ADAMTSL1: variants seen among roughly 807,000 people sequenced by gnomAD.
ADAMTSL1 encodes the protein ADAMTS-like protein 1.
In ADAMTSL1, 126 loss-of-function variants were observed where a neutral mutation model predicts 201.8. The ratio of observed to expected loss-of-function variants is 0.62; its 90% confidence interval spans 0.54 to 0.72. ADAMTSL1 has a LOEUF of 0.72. ADAMTSL1 is among the 30% of genes least tolerant of loss of function. The pLI, the probability that ADAMTSL1 is intolerant of heterozygous loss-of-function variation, is 0.00. For missense variants in ADAMTSL1, 2,679 were observed against 2,277.8 expected, an observed-to-expected ratio of 1.18 and a Z score of -3.59; for synonymous variants, 1,121 against 903.4, an observed-to-expected ratio of 1.24 and a Z score of -4.32.
At chr9:18,810,905 C>T (rs1258966082) in intron 20 of ADAMTSL1, among the ~76,000 whole-genome samples, 1 of 147,032 alleles carries the variant, frequency 6.8e-6, no homozygotes, top group East Asian at 2.1e-4. Context: ...GCCAACTGAC[C>T]AAAGACCTTG....
chr9:17,976,725 C>T (rs1456817222), intron 1 of ADAMTSL1, among the ~76,000 whole-genome samples: 1 of 146,662 alleles, frequency 6.8e-6, no homozygotes, highest in East Asian at 2.1e-4. Context: ...TCCCTCCCCT[C>T]CCTCCCTGCC....
chr9:18,883,210 T>C (rs977276661), intron 23 of ADAMTSL1, among the ~76,000 whole-genome samples: 2 of 152,192 alleles, frequency 1.3e-5, no homozygotes, highest in African/African-American at 4.8e-5. Flanking sequence ...TCAATTGTTC[T>C]TACTGATCTT....
chr9:18,144,155 G>A (rs996977958), intron 1 of ADAMTSL1, among the ~76,000 whole-genome samples: 2 of 151,812 alleles, frequency 1.3e-5, no homozygotes, highest in African/African-American at 4.8e-5. Context: ...TAAGGCTATG[G>A]GATACACTTT....
chr9:18,533,527 C>T (rs937675425), intron 3 of ADAMTSL1, among the ~76,000 whole-genome samples: 1 of 152,146 alleles, frequency 6.6e-6, no homozygotes, highest in Admixed American at 6.5e-5. Flanking sequence ...AAGGACTCTA[C>T]ATTTCCTCCC....
intron 2 of ADAMTSL1, among the ~76,000 whole-genome samples, chr9:18,422,744 T>G (rs1819018050): frequency 6.6e-6 from 1 of 152,180 alleles, no homozygotes; most frequent in Non-Finnish European, 1.5e-5. Context: ...TTTTCTGTGT[T>G]CCTGCAGCAT....
intron 16 of ADAMTSL1, among the ~76,000 whole-genome samples, chr9:18,764,613 A>T (rs1425419677): frequency 6.6e-6 from 1 of 152,192 alleles, no homozygotes; most frequent in Non-Finnish European, 1.5e-5. Context: ...GAATGACATG[A>T]TCAAAGGCAG....
At chr9:18,135,543 C>G (rs1237170865) in intron 1 of ADAMTSL1, among the ~76,000 whole-genome samples, 2 of 152,048 alleles carry the variant, frequency 1.3e-5, no homozygotes, top group African/African-American at 4.8e-5. Flanking sequence ...TGCCTGTAGT[C>G]CCAGATACTC....
rs74538439 is a variant in ADAMTSL1 at position 18,265,024 on chromosome 9, T to C, written c.207+101043T>C. Among the ~76,000 whole-genome samples the C allele has an allele frequency of 7.2e-3, 1,092 of 152,338 alleles. 8 individuals are homozygous for C. The highest frequency in any genetic ancestry group is 0.023 in the African/African-American group (971 of 41,574). ...AGCACATAGCACAGTACCTGGCCTA[T>C]GGGAAGGACTTGGTGAACGTTTACA... On this transcript the variant is annotated intron_variant, in intron 2 of 29. Coordinates refer to the ADAMTSL1 transcript ENST00000680146.
At chr9:18,015,691 A>T (rs1820229228) in intron 1 of ADAMTSL1, among the ~76,000 whole-genome samples, 1 of 151,996 alleles carries the variant, frequency 6.6e-6, no homozygotes, top group Non-Finnish European at 1.5e-5. Context: ...CAGGATATGG[A>T]CTGAGGGCTG....
At chr9:18,009,751 A>T (rs1212315106) in intron 1 of ADAMTSL1, among the ~76,000 whole-genome samples, 1 of 152,000 alleles carries the variant, frequency 6.6e-6, no homozygotes, top group Non-Finnish European at 1.5e-5. Flanking sequence ...AGTGTGTAAG[A>T]TCAAGTTTAA....
At chr9:18,330,247 C>T (rs1834976571) in intron 2 of ADAMTSL1, among the ~76,000 whole-genome samples, 1 of 152,080 alleles carries the variant, frequency 6.6e-6, no homozygotes, top group African/African-American at 2.4e-5. Context: ...TAAACGCTGC[C>T]TATTATTCTC....
At chr9:18,603,900 A>G (rs781380338) in intron 4 of ADAMTSL1, among the ~76,000 whole-genome samples, 1 of 152,204 alleles carries the variant, frequency 6.6e-6, no homozygotes, top group African/African-American at 2.4e-5. Flanking sequence ...GCCACAAAGA[A>G]AAGACAGTAC....
chr9:18,026,733 G>C (rs1487889932), intron 1 of ADAMTSL1, among the ~76,000 whole-genome samples: 2 of 152,082 alleles, frequency 1.3e-5, no homozygotes, highest in African/African-American at 2.4e-5. Flanking sequence ...ATGAGTTAGA[G>C]AGGAGTCCCT....
At chr9:18,445,514 G>T (rs1000842500) in intron 2 of ADAMTSL1, among the ~76,000 whole-genome samples, 2 of 151,914 alleles carry the variant, frequency 1.3e-5, no homozygotes, top group Non-Finnish European at 2.9e-5. Flanking sequence ...AGTAATATTT[G>T]GTATCTATAT....
intron 1 of ADAMTSL1, among the ~76,000 whole-genome samples, chr9:18,150,152 T>C (rs564782739): frequency 1.3e-5 from 2 of 152,188 alleles, no homozygotes; most frequent in East Asian, 3.9e-4. Context: ...AAGTTGTCAT[T>C]GTATCAGTGC....
At chr9:18,212,267 G>A (rs1023346165) in intron 2 of ADAMTSL1, among the ~76,000 whole-genome samples, 5 of 152,186 alleles carry the variant, frequency 3.3e-5, no homozygotes, top group Non-Finnish European at 5.9e-5. Flanking sequence ...AGTCTCTGTG[G>A]TAGGAGGAAG....
intron 19 of ADAMTSL1, among the ~76,000 whole-genome samples, 166 bp from the exon 20 acceptor site, chr9:18,795,231 A>G (rs979399597): frequency 1.3e-5 from 2 of 152,240 alleles, no homozygotes; most frequent in African/African-American, 2.4e-5. Flanking sequence ...TTAATCAAAG[A>G]GGCAAGAGAG....
intron 2 of ADAMTSL1, among the ~76,000 whole-genome samples, chr9:18,185,912 A>G (rs1334036718): frequency 1.3e-5 from 2 of 152,188 alleles, no homozygotes; most frequent in Non-Finnish European, 2.9e-5. Flanking sequence ...ACCATGGAAC[A>G]TGGAATAGTT....
Position 18,803,201 on chromosome 9 carries a change from C to G in ADAMTSL1, c.3805+7677C>G, listed in dbSNP as rs192078232. On this transcript the variant is annotated intron_variant, in intron 20 of 28. Transcript: ENST00000380548. ...CTTTCCGAAGGCTCTAAAAGAGAAT[C>G]CTTTTCCTCTCCATTTGAGTTGTTG... Among the ~76,000 whole-genome samples, 798 of 152,334 alleles carry G rather than the reference C, an allele frequency of 5.2e-3. 8 individuals carry two copies. Among genetic ancestry groups the G allele is most frequent in the South Asian group, 0.044 (211 of 4,826 alleles).
Sources: allele counts gnomAD v4.1 joint callset (sites outside exome capture counted in the v4.1 genomes callset), GRCh38; gene constraint gnomAD v4.1.1; transcripts MANE v1.5; gene names NCBI Gene and HGNC (gene_info 2026-07-23, HGNC 2026-07-21).